Variants in DNAH17 observed in about 807,000 individuals in gnomAD.
The protein encoded by DNAH17 is dynein axonemal heavy chain 17, also known as axonemal beta dynein heavy chain 17.
DNAH17 carries 376 observed loss-of-function variants against 485.6 expected under a neutral mutation model. The observed-to-expected ratio is 0.77, with a 90% CI of 0.71 to 0.84. The LOEUF (loss-of-function observed/expected upper bound fraction) is 0.84, where lower values mean the gene tolerates loss of function less well. Ranked by LOEUF, DNAH17 falls within the 40% of genes least tolerant of loss-of-function variation. DNAH17 has a pLI of 0.00. For missense variants in DNAH17, 6,370 were observed against 5,839.3 expected (o/e 1.09, Z -2.96); for synonymous variants, 3,031 against 2,405.9 (o/e 1.26, Z -7.60).
chr17:78,575,103 A>G, intron 1 of DNAH17, 21 bp from the exon 2 acceptor site: 1 of 1,489,732 alleles, frequency 6.7e-7, no homozygotes, highest in Non-Finnish European at 9.1e-7. Context: ...TGCAAGAAAC[A>G]GGTACGAACT....
chr17:78,458,835 G>A (rs2087939069), intron 61 of DNAH17, 155 bp from the exon 62 acceptor site: 1 of 1,005,610 alleles, frequency 9.9e-7, no homozygotes, highest in African/African-American at 1.6e-5. Context: ...AGGACACCAA[G>A]CGGCTCCCGG....
intron 80 of DNAH17, 37 bp downstream of exon 80, chr17:78,425,309 C>T: frequency 1.9e-6 from 3 of 1,595,068 alleles, no homozygotes; most frequent in Non-Finnish European, 2.6e-6. Context: ...AGCACTGGCT[C>T]TGGAAGCTTC....
At chr17:78,547,922 ACTT>A (rs2091808635) in intron 16 of DNAH17, among the ~76,000 whole-genome samples, 1 of 151,978 alleles carries the variant, frequency 6.6e-6, no homozygotes, top group Non-Finnish European at 1.5e-5. Flanking sequence ...CCAGCCTATT[ACTT>A]CTTTAGTAAC....
At chr17:78,472,647 G>A (rs998484346) in intron 54 of DNAH17, 1 of 443,372 alleles carries the variant, frequency 2.3e-6, no homozygotes, top group African/African-American at 2.0e-5. Context: ...GTGGGGAGGG[G>A]AGCTGGGGTA....
At position 78,450,761 on chromosome 17, in the gene DNAH17, G is replaced by A. The variant is rs144312078; in HGVS notation, c.10820C>T (p.Ser3607Leu). The change falls in exon 67 of 81, where the codon TCG becomes TTG. Residue 3607 changes from serine to leucine, a missense_variant. Physicochemically the swap from Ser to Leu is moderately radical, Grantham distance 145. Coordinates refer to ENST00000389840, the MANE Select transcript of DNAH17 (RefSeq NM_173628.4). Reference protein sequence around the residue: ...DSLLARLSAASGNFLGDTALV... With the variant: ...DSLLARLSAALGNFLGDTALV... ...GGCCGTGTCTCCCAGAAAGTTCCCC[G>A]ACGCAGCCGACAGACGGGCCAGGAG... 78 of 1,613,892 alleles carry A rather than the reference G, an allele frequency of 4.8e-5. No homozygotes were observed. Among genetic ancestry groups the A allele is most frequent in the Non-Finnish European group, 6.0e-5 (71 of 1,179,908 alleles).
At chr17:78,460,557 T>A (rs944210546) in intron 58 of DNAH17, among the ~76,000 whole-genome samples, 2 of 152,214 alleles carry the variant, frequency 1.3e-5, no homozygotes, top group Non-Finnish European at 2.9e-5. Flanking sequence ...CTGAATGTGC[T>A]CCTTTGCCGA....
chr17:78,557,306 G>A (rs897607563), intron 14 of DNAH17, among the ~76,000 whole-genome samples: 5 of 152,068 alleles, frequency 3.3e-5, no homozygotes, highest in Admixed American at 6.6e-5. Context: ...GTTCAGGAGG[G>A]TAAATAGATC....
intron 42 of DNAH17, 45 bp from the exon 43 acceptor site, chr17:78,491,615 C>T (rs745749693): frequency 7.3e-5 from 116 of 1,592,830 alleles, no homozygotes; most frequent in Non-Finnish European, 9.6e-5. Context: ...CACTCCGGCC[C>T]CATTCCAGTC....
intron 30 of DNAH17, among the ~76,000 whole-genome samples, chr17:78,506,140 A>ATTT (rs66859821): frequency 0.24 from 30,278 of 127,694 alleles, 4,248 homozygotes; most frequent in East Asian, 0.47. Context: ...CACCTAGTTA[A>ATTT]TTTTTTTTTT....
rs1241563190 is a variant in DNAH17, at chr17:78,486,244, C to T, written c.7081G>A (p.Gly2361Ser). ...ATCACCTGGTCCTGGAACATGGCGCCACCGAAGGCCCAGAAGCAGGTGAAC... is the reference window on the plus strand; with the variant it reads ...ATCACCTGGTCCTGGAACATGGCGCTACCGAAGGCCCAGAAGCAGGTGAAC... The part of the protein sequence containing the change: ...FVFTCFWAFG[G>S]AMFQDQLVDY... Residue 2361 changes from glycine (G) to serine (S), a missense_variant, in exon 45 of 81, where the codon GGC (glycine) becomes AGC (serine). By Grantham distance (56) the Gly-to-Ser change is moderately conservative (BLOSUM62 0). Coordinates refer to ENST00000389840, the MANE Select transcript of DNAH17 (RefSeq NM_173628.4). 6.9e-6 allele frequency: 11 copies of T among 1,590,942 alleles called. No individual in the cohort carries two copies. In the African/African-American group the frequency reaches 1.5e-4, roughly 21 times the overall value.
In DNAH17 at chr17:78,572,928, G is replaced by T. The variant is rs777012145; in HGVS notation, c.346-34C>A. ...AAACACTTCTGTGGTTCCGCCCCCT[G>T]TGCCTTCACCAGCTCGGCAACCGCA... On this transcript the variant is annotated intron_variant, in intron 2 of 80. Coordinates refer to ENST00000389840, the MANE Select transcript of DNAH17 (RefSeq NM_173628.4). The T allele has an allele frequency of 3.1e-5, 50 of 1,594,040 alleles. No homozygotes were observed. In the Admixed American group the frequency reaches 7.8e-4, roughly 25 times the overall value.
intron 41 of DNAH17, among the ~76,000 whole-genome samples, chr17:78,493,718 G>A (rs1185750932): frequency 6.6e-6 from 1 of 152,242 alleles, no homozygotes; most frequent in African/African-American, 2.4e-5. Flanking sequence ...CATGGCAGGT[G>A]ACAGGAGGGC....
intron 17 of DNAH17, among the ~76,000 whole-genome samples, chr17:78,540,384 A>C: frequency 8.8e-6 from 1 of 114,226 alleles, no homozygotes; most frequent in East Asian, 2.9e-4. Flanking sequence ...GTGGACGGAT[A>C]GCTGGATGGA....
rs752644596 is a variant in DNAH17, at chr17:78,461,575, T to G, written c.9308A>C (p.Gln3103Pro). 9.4e-6 allele frequency: 15 copies of G among 1,602,338 alleles called. No individual in the cohort carries two copies. In the Admixed American group the frequency reaches 1.2e-4, roughly 13 times the overall value. The change falls in exon 58 of 81, where the codon CAG (glutamine) becomes CCG (proline). Residue 3103 changes from glutamine to proline, a missense_variant. By Grantham distance (76) the Gln-to-Pro change is moderately conservative (BLOSUM62 -1). Transcript: ENST00000389840. ...GATGACCTCGACCTTGACTTCTTCCTGGTCAGCAATGGCCTTCTCTTTGCT... is the reference window on the plus strand; with the variant it reads ...GATGACCTCGACCTTGACTTCTTCCGGGTCAGCAATGGCCTTCTCTTTGCT... The part of the protein sequence containing the change: ...KVSKEKAIAD[Q>P]EEVKVEVINK...
At chr17:78,463,431 C>T (rs556238254) in intron 56 of DNAH17, among the ~76,000 whole-genome samples, 49 of 149,762 alleles carry the variant, frequency 3.3e-4, no homozygotes, top group African/African-American at 1.0e-3. Flanking sequence ...CATATATACA[C>T]GTGCATACGC....
intron 70 of DNAH17, among the ~76,000 whole-genome samples, chr17:78,445,199 C>A (rs898837151): frequency 6.9e-5 from 1 of 14,522 alleles, no homozygotes; most frequent in East Asian, 2.1e-3. Context: ...TTCCCTTACG[C>A]TGGGAGGAGG....
At chr17:78,544,055 A>G (rs1166727140) in intron 16 of DNAH17, 58 bp from the exon 17 acceptor site, 1 of 1,610,310 alleles carries the variant, frequency 6.2e-7, no homozygotes, top group Non-Finnish European at 8.5e-7. Context: ...TTTCAGTCGC[A>G]GTCCTTTGCT....
At chr17:78,553,410 TC>T (rs2091953985) in intron 14 of DNAH17, among the ~76,000 whole-genome samples, 1 of 146,830 alleles carries the variant, frequency 6.8e-6, no homozygotes, top group Admixed American at 7.0e-5. Flanking sequence ...CAAGCAATTC[TC>T]CTGCCTCAGC....
At chr17:78,485,864 G>A (rs2089583867) in intron 46 of DNAH17, 96 bp downstream of exon 46, 1 of 1,571,042 alleles carries the variant, frequency 6.4e-7, no homozygotes, top group Non-Finnish European at 8.7e-7. Context: ...TTGAAAATCG[G>A]TTGTGTTTGG....
Sources: allele counts gnomAD v4.1 joint callset (sites outside exome capture counted in the v4.1 genomes callset), GRCh38; gene constraint gnomAD v4.1.1; transcripts MANE v1.5; gene names NCBI Gene and HGNC (gene_info 2026-07-23, HGNC 2026-07-21).